The following TNS1 variants were observed in gnomAD, a reference collection of about 807,000 sequenced individuals.
The protein encoded by TNS1 is tensin-1.
Under a neutral mutation model 168.6 loss-of-function variants are expected in TNS1, and 62 were observed. The observed-to-expected ratio is 0.37, with a 90% CI of 0.30 to 0.45. TNS1 has a LOEUF of 0.45. Among genes scored for constraint, TNS1 ranks in the 20% least tolerant of loss-of-function variants. The probability of loss-of-function intolerance (pLI) is 1.00; values close to 1 mark genes in which losing one functional copy is unlikely to be tolerated. For synonymous variants in TNS1, 934 were observed against 933.2 expected (o/e 1.00, Z -0.02); for missense variants, 2,240 against 2,339.4 (o/e 0.96, Z 0.88).
intron 3 of TNS1, among the ~76,000 whole-genome samples, chr2:217,968,514 A>T (rs557471353): frequency 3.5e-4 from 53 of 152,344 alleles, no homozygotes; most frequent in Admixed American, 2.4e-3. Context: ...TGAAATTAAG[A>T]ACAACTCCAT....
At chr2:218,024,106 A>ATGAAGCT (rs1481394905) in intron 1 of TNS1, among the ~76,000 whole-genome samples, 1 of 152,306 alleles carries the variant, frequency 6.6e-6, no homozygotes, top group African/African-American at 2.4e-5. Flanking sequence ...TCTACAGGTG[A>ATGAAGCT]TGAAGCTGAA....
At chr2:218,013,756 G>T (rs1574481308), upstream of TNS1, among the ~76,000 whole-genome samples, 1 of 152,076 alleles carries the variant, frequency 6.6e-6, no homozygotes, top group Non-Finnish European at 1.5e-5. Flanking sequence ...GCTATACTGG[G>T]GGTCTGGCCA....
At chr2:217,933,518 G>A (rs958208386) in intron 3 of TNS1, among the ~76,000 whole-genome samples, 4 of 152,122 alleles carry the variant, frequency 2.6e-5, no homozygotes, top group Admixed American at 1.3e-4. Context: ...CACATCCACT[G>A]GCAGGGACAC....
intron 3 of TNS1, among the ~76,000 whole-genome samples, chr2:217,932,655 G>A (rs529388413): frequency 6.6e-6 from 1 of 152,114 alleles, no homozygotes; most frequent in African/African-American, 2.4e-5. Context: ...TACAGAAGAA[G>A]AAACTGAGAA....
In TNS1 at chr2:218,031,301, CTT is replaced by C. The variant is rs1313030508; in HGVS notation, c.156+2517_156+2518del. Among the ~76,000 whole-genome samples the C allele has an allele frequency of 1.6e-4, 17 of 106,782 alleles. No individual in the cohort carries two copies. In the South Asian group the frequency reaches 1.8e-3, roughly 11 times the overall value. The allele number at this position is 106,782 out of a possible 152,430, so 70.1% of individuals were successfully genotyped here. On this transcript the variant is annotated intron_variant, in intron 1 of 1. Transcript: ENST00000649572. Reference sequence around the variant, plus strand: ...AGCGTGTATGAGTGTGTGAGTGTGTCTTTGTGTATGAGTGTGGGTGTGTGAGC... The same window carrying C: ...AGCGTGTATGAGTGTGTGAGTGTGTCTGTGTATGAGTGTGGGTGTGTGAGC...
chr2:217,850,623 A>G (rs1247124102), intron 18 of TNS1: 3 of 842,938 alleles, frequency 3.6e-6, no homozygotes, highest in East Asian at 1.3e-4. Flanking sequence ...ACACACACAC[A>G]CGCACGCACG....
At chr2:218,008,349 A>C (rs1035292715) in intron 1 of TNS1, among the ~76,000 whole-genome samples, 1 of 152,198 alleles carries the variant, frequency 6.6e-6, no homozygotes, top group African/African-American at 2.4e-5. Flanking sequence ...CCAGAAGGAA[A>C]AGGAGAGTGG....
Position 217,979,032 on chromosome 2 carries a change from G to T in TNS1, c.149-230C>A, listed in dbSNP as rs529784734. 245 of 495,432 alleles carry T rather than the reference G, an allele frequency of 4.9e-4. 2 individuals carry two copies. In the East Asian group the frequency reaches 8.0e-3, roughly 16 times the overall value. The allele number at this position is 495,432 out of a possible 1,614,324, so 30.7% of individuals were successfully genotyped here. A position where few individuals can be genotyped will look rare whatever the true frequency, so the allele number is the denominator to read the frequency against. On this transcript the variant is annotated intron_variant, in intron 2 of 32. Transcript: ENST00000682258. ...GGACCCGCGGCCGGGGAGGCAGGGG[G>T]CTCCCAGAGCCAGAGCCCCTCCGGG...
chr2:217,833,203 G>A (rs1416537212), intron 21 of TNS1, among the ~76,000 whole-genome samples: 1 of 152,214 alleles, frequency 6.6e-6, no homozygotes, highest in Non-Finnish European at 1.5e-5. Context: ...GTGGGCCCGT[G>A]AGGAGGTGAA....
At chr2:217,893,659 G>A (rs1951984816) in intron 9 of TNS1, 98 bp from the exon 10 acceptor site, 2 of 1,471,582 alleles carry the variant, frequency 1.4e-6, no homozygotes, top group African/African-American at 1.4e-5. Flanking sequence ...CCTGGGCAGT[G>A]GCCCGCAGCT....
At chr2:217,937,108 C>T (rs1031799501) in intron 3 of TNS1, 10 of 442,814 alleles carry the variant, frequency 2.3e-5, no homozygotes, top group East Asian at 1.4e-4. Flanking sequence ...AAGCTTCCTC[C>T]GCTCTGCCAG....
At chr2:217,854,500 G>T (rs889907911) in intron 18 of TNS1, among the ~76,000 whole-genome samples, 1 of 152,202 alleles carries the variant, frequency 6.6e-6, no homozygotes, top group Non-Finnish European at 1.5e-5. Flanking sequence ...ACCCAGAGCC[G>T]TGATGACCAC....
At chr2:217,858,325 A>G (rs962181030) in intron 18 of TNS1, among the ~76,000 whole-genome samples, 7 of 152,176 alleles carry the variant, frequency 4.6e-5, no homozygotes, top group African/African-American at 1.7e-4. Context: ...ACAGCAGCAC[A>G]GCGGGCCACA....
At chr2:217,918,872 C>T (rs543766517) in intron 4 of TNS1, among the ~76,000 whole-genome samples, 33 of 152,266 alleles carry the variant, frequency 2.2e-4, no homozygotes, top group Admixed American at 7.8e-4. Context: ...GATGACCCTC[C>T]ACTGGGCTCC....
In TNS1 at chr2:217,818,533, G is replaced by C; in HGVS notation, c.3799C>G (p.Arg1267Gly). ...HFSSSPESQARAQFSVAGVHT... is the reference protein window; with the variant it reads ...HFSSSPESQAGAQFSVAGVHT... The stretch of plus-strand genomic sequence containing the variant: ...ACGCCAGCCACACTGAACTGAGCTC[G>C]AGCCTGGCTTTCCGGAGAGGAGCTG... The change falls in exon 24 of 33, where the codon CGA (arginine) becomes GGA (glycine). Residue 1267 changes from arginine to glycine, a missense_variant. Around this residue, in one of 2 missense-constraint regions of TNS1, gnomAD observed 2,131 missense variants for 2,171.2 expected, o/e 0.98. Transcript: ENST00000682258. 1.9e-6 allele frequency: 3 copies of C among 1,614,230 alleles called. No homozygotes were observed. Among genetic ancestry groups the C allele is most frequent in the Non-Finnish European group, 2.5e-6 (3 of 1,180,042 alleles).
intron 4 of TNS1, among the ~76,000 whole-genome samples, chr2:217,916,772 T>C (rs1955057494): frequency 6.6e-6 from 1 of 152,134 alleles, no homozygotes; most frequent in African/African-American, 2.4e-5. Context: ...AGAAATTCTA[T>C]GTCTGGGATG....
Position 217,821,806 on chromosome 2 carries a change from G to A in TNS1, c.3506C>T (p.Thr1169Ile), listed in dbSNP as rs77931866. Residue 1169 changes from threonine (T) to isoleucine (I), a missense_variant, in exon 23 of 33, where the codon ACC becomes ATC. By Grantham distance (89) the Thr-to-Ile change is moderately conservative. Around this residue, in one of 2 missense-constraint regions of TNS1, gnomAD observed 2,131 missense variants for 2,171.2 expected, o/e 0.98. Transcript: ENST00000682258. ...YGHEIPLRNGTLGGSFVSPSP... is the reference protein window; with the variant it reads ...YGHEIPLRNGILGGSFVSPSP... ...GGGGGAGACAAAGGAGCCACCCAGG[G>A]TCCCGTTCCTCAGGGGTATCTCATG... is the stretch of plus-strand genomic sequence containing the variant. The A allele has an allele frequency of 3.2e-6, 5 of 1,550,900 alleles. No homozygotes were observed. The highest frequency in any genetic ancestry group is 1.7e-4 in the Middle Eastern group (1 of 5,736).
chr2:217,825,160 G>A (rs1943432481), intron 22 of TNS1, among the ~76,000 whole-genome samples: 1 of 152,214 alleles, frequency 6.6e-6, no homozygotes, highest in Non-Finnish European at 1.5e-5. Context: ...ACCCTGATCT[G>A]CATCCCTGAA....
intron 3 of TNS1, among the ~76,000 whole-genome samples, chr2:217,957,031 C>T (rs1223650197): frequency 6.6e-6 from 1 of 152,176 alleles, no homozygotes; most frequent in Non-Finnish European, 1.5e-5. Flanking sequence ...GAGGACAGGA[C>T]CTTGGCTAGC....
Sources: gnomAD v4.1 joint callset for allele counts (sites outside exome capture counted in the v4.1 genomes callset) on GRCh38, gnomAD v4.1.1 for gene constraint, gnomAD v4.1.1 regional missense constraint, MANE v1.5 for transcripts, NCBI Gene and HGNC (gene_info 2026-07-23, HGNC 2026-07-21) for gene names.